The following EHBP1 variants were observed in gnomAD, a reference collection of about 807,000 sequenced individuals.
EHBP1 encodes the protein EH domain-binding protein 1.
EHBP1 carries 55 observed loss-of-function variants against 144.0 expected under a neutral mutation model. The observed-to-expected ratio is 0.38, with a 90% CI of 0.31 to 0.48. The LOEUF is 0.48. EHBP1 is among the 20% of genes least tolerant of loss of function. The pLI is 0.98. For synonymous variants in EHBP1, 469 were observed against 472.7 expected, an observed-to-expected ratio of 0.99 and a Z score of 0.10; for missense variants, 1,200 against 1,364.2, an observed-to-expected ratio of 0.88 and a Z score of 1.90.
chr2:62,861,102 T>A (rs1438997264), intron 8 of EHBP1, among the ~76,000 whole-genome samples: 1 of 151,012 alleles, frequency 6.6e-6, no homozygotes, highest in Non-Finnish European at 1.5e-5. Flanking sequence ...AGTTCTCCTC[T>A]TATATTTATG....
At chr2:62,985,588 A>G (rs937769932) in intron 15 of EHBP1, among the ~76,000 whole-genome samples, 3 of 152,136 alleles carry the variant, frequency 2.0e-5, no homozygotes, top group South Asian at 2.1e-4. Flanking sequence ...TAGGCTCTCT[A>G]TAGTTTTGCC....
Position 63,045,341 on chromosome 2 carries a change from A to C in EHBP1, c.3393-69A>C. ...GGATCCAAATACTGGGCGACGGGGG[A>C]GTGCTGCTCTGCCCTCCACGAAGAA... On this transcript the variant is annotated intron_variant, in intron 22 of 22. Transcript: ENST00000431489. The surrounding 1 kb of genome is among the most constrained non-coding windows in gnomAD (Gnocchi z 5.7). The C allele has an allele frequency of 1.4e-6, 2 of 1,477,388 alleles. No homozygotes were observed. The highest frequency in any genetic ancestry group is 4.6e-5 in the East Asian group (2 of 43,852). The allele number at this position is 1,477,388 out of a possible 1,614,324, so 91.5% of individuals were successfully genotyped here.
intron 7 of EHBP1, among the ~76,000 whole-genome samples, chr2:62,849,722 C>T (rs901721958): frequency 3.3e-5 from 5 of 152,126 alleles, no homozygotes; most frequent in Admixed American, 1.3e-4. Flanking sequence ...TCATTTACAA[C>T]GTACATTAAG....
intron 10 of EHBP1, among the ~76,000 whole-genome samples, chr2:62,898,627 A>G (rs1320610682): frequency 1.3e-5 from 2 of 151,990 alleles, no homozygotes; most frequent in African/African-American, 2.4e-5. Context: ...TATCATACCT[A>G]TGTACTTTGG....
intron 13 of EHBP1, among the ~76,000 whole-genome samples, chr2:62,949,786 T>A (rs949013465): frequency 6.6e-6 from 1 of 152,174 alleles, no homozygotes; most frequent in Non-Finnish European, 1.5e-5. Flanking sequence ...ACTGTACGGT[T>A]TTAACCTTTC....
chr2:63,024,462 C>T lies in EHBP1; in HGVS notation c.3104-13073C>T, dbSNP rs184943216. Among the ~76,000 whole-genome samples, 4 of 152,134 alleles carry T rather than the reference C, an allele frequency of 2.6e-5. No individual in the cohort carries two copies. The East Asian group carries it at 7.7e-4, about 29-fold the overall frequency. On this transcript the variant is annotated intron_variant, in intron 19 of 22. Transcript: ENST00000431489. ...TACAAATAACTTAAAATGAGCTCAG[C>T]ATGGTGGCATGTGTTTGTGGTCCCA...
At chr2:63,043,686 G>A (rs568146235) in intron 21 of EHBP1, among the ~76,000 whole-genome samples, 1 of 152,154 alleles carries the variant, frequency 6.6e-6, no homozygotes, top group African/African-American at 2.4e-5. Context: ...CTTTGGAGGG[G>A]GTCGGGGGGG....
At chr2:62,999,295 T>C (rs2059758549) in intron 19 of EHBP1, among the ~76,000 whole-genome samples, 1 of 152,208 alleles carries the variant, frequency 6.6e-6, no homozygotes, top group Non-Finnish European at 1.5e-5. Context: ...TATATACTTG[T>C]AGATACTGAC....
At chr2:62,900,679 T>A (rs1467397418) in intron 10 of EHBP1, among the ~76,000 whole-genome samples, 1 of 149,146 alleles carries the variant, frequency 6.7e-6, no homozygotes, top group Non-Finnish European at 1.5e-5. Flanking sequence ...GGTGTGTGTG[T>A]ATGTGTATAT....
intron 3 of EHBP1, among the ~76,000 whole-genome samples, chr2:62,749,092 G>A (rs919410519): frequency 2.6e-5 from 4 of 151,996 alleles, no homozygotes; most frequent in Non-Finnish European, 4.4e-5. Context: ...CCATTAACTC[G>A]TCATTTATAT....
intron 10 of EHBP1, among the ~76,000 whole-genome samples, chr2:62,888,891 C>T (rs1001461521): frequency 2.0e-5 from 3 of 151,860 alleles, no homozygotes; most frequent in Non-Finnish European, 2.9e-5. Context: ...GAAAAACAAA[C>T]AAAAAATGCA....
At chr2:62,942,442 G>A (rs1387913888) in intron 10 of EHBP1, among the ~76,000 whole-genome samples, 4 of 152,156 alleles carry the variant, frequency 2.6e-5, no homozygotes, top group Non-Finnish European at 5.9e-5. Context: ...AAACTTTAAC[G>A]TGATGTTTCC....
chr2:62,817,573 T>C (rs949438283), intron 5 of EHBP1, among the ~76,000 whole-genome samples: 2 of 152,116 alleles, frequency 1.3e-5, no homozygotes, highest in Admixed American at 1.3e-4. Flanking sequence ...TGTGGGGCAA[T>C]TGAAGGCTTT....
At chr2:62,716,242 A>G (rs2035667738) in intron 2 of EHBP1, among the ~76,000 whole-genome samples, 1 of 151,782 alleles carries the variant, frequency 6.6e-6, no homozygotes, top group Non-Finnish European at 1.5e-5. Flanking sequence ...TTCTGAGAGG[A>G]GGTGTTACTG....
chr2:63,036,916 G>A (rs964202307), intron 19 of EHBP1, among the ~76,000 whole-genome samples: 12 of 151,696 alleles, frequency 7.9e-5, no homozygotes, highest in Non-Finnish European at 1.5e-4. Flanking sequence ...CATGTTTTCT[G>A]AACATCATGA....
chr2:62,752,289 G>T (rs558608312), intron 3 of EHBP1, among the ~76,000 whole-genome samples: 1 of 152,172 alleles, frequency 6.6e-6, no homozygotes, highest in African/African-American at 2.4e-5. Context: ...GTAGTTGAGC[G>T]GTTTTGAGTG....
In EHBP1 at chr2:62,688,659, G is replaced by C. The variant is rs143005181; in HGVS notation, c.-296+14576G>C. Among the ~76,000 whole-genome samples the C allele has an allele frequency of 1.6e-3, 240 of 151,064 alleles. 1 individual carries two copies. The highest frequency in any genetic ancestry group is 5.4e-3 in the African/African-American group (224 of 41,198). On this transcript the variant is annotated intron_variant, in intron 1 of 22. Coordinates refer to the EHBP1 transcript ENST00000405015. ...TGCTTCCCAGCCTCTAGTATCTTCT[G>C]TTCTACTTTTCACTTCTATGAGATC...
chr2:62,849,462 G>A (rs10176033), intron 7 of EHBP1, among the ~76,000 whole-genome samples: 1 of 152,060 alleles, frequency 6.6e-6, no homozygotes, highest in East Asian at 1.9e-4. Context: ...GCTAGGTCCA[G>A]TCAACCCACA....
intron 21 of EHBP1, among the ~76,000 whole-genome samples, chr2:63,041,401 T>G (rs907424329): frequency 2.6e-5 from 4 of 152,178 alleles, no homozygotes; most frequent in African/African-American, 9.7e-5. Context: ...GGGTGGGCTT[T>G]TAGAAAGTGG....
Sources: allele counts gnomAD v4.1 joint callset (sites outside exome capture counted in the v4.1 genomes callset), GRCh38; gene constraint gnomAD v4.1.1; non-coding constraint Gnocchi (gnomAD v3.1); transcripts MANE v1.5; gene names NCBI Gene and HGNC (gene_info 2026-07-23, HGNC 2026-07-21).